PTK2B: variants seen among roughly 807,000 people sequenced by gnomAD.
PTK2B encodes protein-tyrosine kinase 2-beta.
In PTK2B, 71 loss-of-function variants were observed where a neutral mutation model predicts 142.9. The observed-to-expected ratio is 0.50, with a 90% confidence interval of 0.41 to 0.61. The LOEUF (loss-of-function observed/expected upper bound fraction) is 0.61. Among genes scored for constraint, PTK2B ranks in the 20% least tolerant of loss-of-function variants. The pLI is 0.00. For synonymous variants in PTK2B, 519 were observed against 503.4 expected (o/e 1.03, Z -0.42); for missense variants, 1,105 against 1,320.4 (o/e 0.84, Z 2.53).
intron 1 of PTK2B, among the ~76,000 whole-genome samples, chr8:27,351,848 CTGTT>C (rs1563212078): frequency 6.6e-6 from 1 of 152,230 alleles, no homozygotes; most frequent in East Asian, 1.9e-4. Flanking sequence ...AATGGAACCT[CTGTT>C]TGACTTTCGT....
At chr8:27,454,432 C>CG in intron 29 of PTK2B, 99 bp from the exon 30 acceptor site, 2 of 1,549,482 alleles carry the variant, frequency 1.3e-6, no homozygotes, top group Non-Finnish European at 1.8e-6. Flanking sequence ...AGGCCACTCG[C>CG]GGGGGACAAG....
chr8:27,453,486 A>G (rs2132506449), intron 28 of PTK2B, among the ~76,000 whole-genome samples: 1 of 152,226 alleles, frequency 6.6e-6, no homozygotes, highest in South Asian at 2.1e-4. Context: ...TCCAGCATCC[A>G]TTGTCCTTAC....
Position 27,336,431 on chromosome 8 carries a change from C to T in PTK2B, c.-38+10750C>T, listed in dbSNP as rs1177073417. On this transcript the variant is annotated intron_variant, in intron 1 of 30. Transcript: ENST00000346049. Reference sequence around the variant, plus strand: ...GTATCTGTATGGAGAGTCACTGTTACATCCCAAGGACACAGCCTGGTACCT... The same window carrying T: ...GTATCTGTATGGAGAGTCACTGTTATATCCCAAGGACACAGCCTGGTACCT... Among the ~76,000 whole-genome samples the T allele has an allele frequency of 1.3e-5, 2 of 152,160 alleles. 1 individual carries two copies. The highest frequency in any genetic ancestry group is 4.1e-4 in the South Asian group (2 of 4,826).
chr8:27,425,510 C>CTA (rs1563275698), intron 5 of PTK2B, among the ~76,000 whole-genome samples: 1 of 151,992 alleles, frequency 6.6e-6, no homozygotes, highest in Non-Finnish European at 1.5e-5. Context: ...TACAGAGTTC[C>CTA]TATATACCCC....
intron 3 of PTK2B, among the ~76,000 whole-genome samples, chr8:27,319,403 G>T (rs566665678): frequency 1.3e-5 from 2 of 151,730 alleles, no homozygotes; most frequent in South Asian, 4.2e-4. Context: ...AGCACTTTGG[G>T]AGGCCAAGGC....
intron 2 of PTK2B, among the ~76,000 whole-genome samples, chr8:27,413,040 A>G (rs905851077): frequency 1.2e-4 from 8 of 64,576 alleles, no homozygotes; most frequent in African/African-American, 2.7e-4. Flanking sequence ...AAAAAGTTGG[A>G]AAAAAAAAAA....
intron 1 of PTK2B, among the ~76,000 whole-genome samples, chr8:27,350,500 G>A (rs1804979896): frequency 6.6e-6 from 1 of 152,132 alleles, no homozygotes; most frequent in South Asian, 2.1e-4. Context: ...TTTGGGGAGA[G>A]GGGTGCAACC....
At chr8:27,429,045 G>A (rs938720193) in intron 5 of PTK2B, among the ~76,000 whole-genome samples, 10 of 151,952 alleles carry the variant, frequency 6.6e-5, no homozygotes, top group South Asian at 4.1e-4. Flanking sequence ...TCAGCCTCCC[G>A]AGTAGTACGT....
intron 2 of PTK2B, among the ~76,000 whole-genome samples, chr8:27,403,734 G>A (rs923914290): frequency 3.3e-5 from 5 of 151,108 alleles, no homozygotes; most frequent in East Asian, 1.9e-4. Flanking sequence ...CACACAGGGC[G>A]GCTCTCTTTG....
Position 27,454,220 on chromosome 8 carries a change from G to C in PTK2B, c.2662G>C (p.Val888Leu). Residue 888 changes from valine to leucine, a missense_variant, in exon 29 of 31, where the codon GTG becomes CTG. Physicochemically the swap from Val to Leu is conservative, Grantham distance 32. Coordinates refer to ENST00000346049, the MANE Select transcript of PTK2B (RefSeq NM_173176.3). ...GGTGTACCTCAATGTCATGGAGCTG[G>C]TGCGGGCCGTGCTGGAGCTCAAGAA... ...DLVYLNVMELVRAVLELKNEL... is the reference protein window; with the variant it reads ...DLVYLNVMELLRAVLELKNEL... The C allele has an allele frequency of 6.2e-7, 1 of 1,614,150 alleles. No individual in the cohort carries two copies. The highest frequency in any genetic ancestry group is 8.5e-7 in the Non-Finnish European group (1 of 1,180,030).
rs115443562 is a variant in PTK2B, at chr8:27,413,717, T to A, written c.205-6178T>A. ...CAGATTTTTTTGTGCATTTGTTTAG[T>A]ACATTCTGAGGCTGAATGCCCTGAG... is the stretch of plus-strand genomic sequence containing the variant. On this transcript the variant is annotated intron_variant, in intron 2 of 30. Coordinates refer to ENST00000346049, the MANE Select transcript of PTK2B (RefSeq NM_173176.3). Among the ~76,000 whole-genome samples, 1,496 of 152,328 alleles carry A rather than the reference T, an allele frequency of 9.8e-3. 26 individuals carry two copies. The highest frequency in any genetic ancestry group is 0.034 in the African/African-American group (1,395 of 41,566).
chr8:27,459,055 GC>G lies in PTK2B; in HGVS notation c.*549del, dbSNP rs1812333639. On this transcript the variant is annotated 3_prime_UTR_variant, in exon 31 of 31. Coordinates refer to ENST00000346049, the MANE Select transcript of PTK2B (RefSeq NM_173176.3). Reference sequence around the variant, plus strand: ...AGTTTGGTCTGGACTGACAGCATGTGCCCTCCTGAGGGAGGACCTGGGGCAC... The same window carrying G: ...AGTTTGGTCTGGACTGACAGCATGTGCCTCCTGAGGGAGGACCTGGGGCAC... 1 of 252,164 alleles carries G rather than the reference GC, an allele frequency of 4.0e-6. No homozygotes were observed. The highest frequency in any genetic ancestry group is 4.7e-5 in the Admixed American group (1 of 21,174). 15.6% of individuals were successfully genotyped at this position (252,164 alleles called of 1,614,324 possible). A position where few individuals can be genotyped will look rare whatever the true frequency, so the allele number is the denominator to read the frequency against.
intron 2 of PTK2B, among the ~76,000 whole-genome samples, chr8:27,410,490 T>C (rs954323551): frequency 6.6e-6 from 1 of 152,214 alleles, no homozygotes; most frequent in Non-Finnish European, 1.5e-5. Context: ...AGAGCAATCC[T>C]GGTGGAGGAC....
intron 1 of PTK2B, among the ~76,000 whole-genome samples, chr8:27,361,240 A>G (rs574706221): frequency 1.3e-5 from 2 of 151,926 alleles, no homozygotes; most frequent in African/African-American, 2.4e-5. Flanking sequence ...TTTATTTGAT[A>G]TAGGGTCTTG....
intron 19 of PTK2B, 42 bp downstream of exon 19, chr8:27,439,173 C>A: frequency 6.3e-7 from 1 of 1,589,164 alleles, no homozygotes; most frequent in Non-Finnish European, 8.6e-7. Context: ...TTGGAGGGGT[C>A]GCTGAAGCCA....
chr8:27,352,707 T>C (rs1267691962), intron 1 of PTK2B, among the ~76,000 whole-genome samples: 1 of 152,174 alleles, frequency 6.6e-6, no homozygotes, highest in African/African-American at 2.4e-5. Flanking sequence ...ATATGTCTTG[T>C]GAGATCTGAT....
At chr8:27,450,045 G>A (rs1811706442) in intron 24 of PTK2B, among the ~76,000 whole-genome samples, 1 of 152,110 alleles carries the variant, frequency 6.6e-6, no homozygotes, top group Admixed American at 6.5e-5. Context: ...ATGAAATTTT[G>A]TTCCTTATTT....
At chr8:27,356,201 A>G (rs1212372752) in intron 1 of PTK2B, among the ~76,000 whole-genome samples, 1 of 152,294 alleles carries the variant, frequency 6.6e-6, no homozygotes, top group African/African-American at 2.4e-5. Context: ...ATGTGTTATG[A>G]TCGCAGGTTG....
At chr8:27,338,642 A>C (rs1404436428) in intron 1 of PTK2B, among the ~76,000 whole-genome samples, 1 of 152,222 alleles carries the variant, frequency 6.6e-6, no homozygotes, top group Non-Finnish European at 1.5e-5. Flanking sequence ...TAACCTTTGT[A>C]AGCATCCCAA....
Sources: allele counts gnomAD v4.1 joint callset (sites outside exome capture counted in the v4.1 genomes callset), GRCh38; gene constraint gnomAD v4.1.1; transcripts MANE v1.5; gene names NCBI Gene and HGNC (gene_info 2026-07-23, HGNC 2026-07-21).